The following PLCD4 variants were observed in gnomAD, a reference collection of about 807,000 sequenced individuals.
The protein encoded by PLCD4 is phospholipase C delta 4.
A neutral mutation model predicts 90.2 loss-of-function variants in PLCD4; 63 were observed. That is an observed-to-expected ratio of 0.70 (90% confidence interval 0.57 to 0.86). The LOEUF is 0.86. PLCD4 is among the 40% of genes least tolerant of loss of function. PLCD4 has a pLI of 0.00. For synonymous variants in PLCD4, 294 were observed against 356.5 expected, an observed-to-expected ratio of 0.82 and a Z score of 1.97; for missense variants, 830 against 956.3, an observed-to-expected ratio of 0.87 and a Z score of 1.74.
intron 13 of PLCD4, 81 bp from the exon 14 acceptor site, chr2:218,635,715 C>T (rs1208288111): frequency 6.7e-7 from 1 of 1,500,230 alleles, no homozygotes; most frequent in Non-Finnish European, 8.9e-7. Context: ...CAAAAAGCTT[C>T]TTCTCCCCTG....
intron 1 of PLCD4, among the ~76,000 whole-genome samples, chr2:218,610,789 G>A (rs1311249519): frequency 2.0e-5 from 3 of 151,824 alleles, no homozygotes; most frequent in Admixed American, 6.6e-5. Flanking sequence ...GTGCAATGGC[G>A]CCATCTCGGC....
At chr2:218,635,731 G>T in intron 13 of PLCD4, 65 bp from the exon 14 acceptor site, 1 of 1,553,456 alleles carries the variant, frequency 6.4e-7, no homozygotes, top group South Asian at 1.2e-5. Flanking sequence ...CCCTGGGGTT[G>T]GGAGTAGGGT....
At chr2:218,618,996 G>T (rs1447959930) in intron 4 of PLCD4, 189 bp downstream of exon 4, 14 of 598,860 alleles carry the variant, frequency 2.3e-5, no homozygotes, top group Non-Finnish European at 3.5e-5. Flanking sequence ...GGATGCCAAG[G>T]ATCACATAGC....
chr2:218,625,321 A>T (rs962615526), intron 6 of PLCD4, among the ~76,000 whole-genome samples: 2 of 151,976 alleles, frequency 1.3e-5, no homozygotes, highest in African/African-American at 4.8e-5. Flanking sequence ...AAAGAAAGAA[A>T]AAAGAAATAG....
At chr2:218,633,186 A>G in intron 10 of PLCD4, 1 of 580,018 alleles carries the variant, frequency 1.7e-6, no homozygotes, top group South Asian at 2.3e-5. Flanking sequence ...ATCTGTCTGG[A>G]TTCATGTACA....
chr2:218,608,905 G>A (rs1231524095), intron 1 of PLCD4, among the ~76,000 whole-genome samples: 1 of 151,992 alleles, frequency 6.6e-6, no homozygotes, highest in Admixed American at 6.6e-5. Context: ...TTGGGAGGCC[G>A]AGGCGGGTGG....
intron 1 of PLCD4, among the ~76,000 whole-genome samples, chr2:218,610,908 AG>A (rs1695304866): frequency 6.6e-6 from 1 of 152,012 alleles, no homozygotes. Flanking sequence ...TTGTATTTTT[AG>A]TAGAGAAGGG....
chr2:218,610,984 C>T (rs1023566885), intron 1 of PLCD4, among the ~76,000 whole-genome samples: 20 of 152,050 alleles, frequency 1.3e-4, no homozygotes, highest in Non-Finnish European at 2.5e-4. Context: ...CATCTCAGCC[C>T]CCCAAAGTGC....
intron 2 of PLCD4, 67 bp downstream of exon 2, chr2:218,615,828 G>T (rs1048619504): frequency 6.2e-7 from 1 of 1,602,794 alleles, no homozygotes; most frequent in Non-Finnish European, 8.5e-7. Flanking sequence ...AAGGAGGTTG[G>T]ACCCCTGTTC....
At position 218,634,143 on chromosome 2, in the gene PLCD4, C is replaced by T. The variant is rs529917751; in HGVS notation, c.1645C>T (p.Arg549Cys). The T allele has an allele frequency of 2.6e-5, 42 of 1,612,594 alleles. No individual in the cohort carries two copies. Among genetic ancestry groups the T allele is most frequent in the African/African-American group, 8.0e-5 (6 of 75,008 alleles). ...FVQHNTWQLS[R>C]VYPSGLRTDS... ...GCAGCACAATACTTGGCAGTTAAGC[C>T]GTGTGTATCCCAGCGGCCTGAGGAC... is the stretch of plus-strand genomic sequence containing the variant. The change falls in exon 12 of 16, where the codon CGT (arginine) becomes TGT (cysteine). Residue 549 changes from arginine to cysteine, a missense_variant. Coordinates refer to ENST00000450993, the MANE Select transcript of PLCD4 (RefSeq NM_032726.4). The surrounding 1 kb of genome is among the most constrained non-coding windows in gnomAD (Gnocchi z 4.0).
chr2:218,615,646 A>G, intron 1 of PLCD4, 61 bp from the exon 2 acceptor site: 1 of 1,423,014 alleles, frequency 7.0e-7, no homozygotes, highest in Non-Finnish European at 9.5e-7. Flanking sequence ...AGAAGCAAAA[A>G]TCAGCTACAG....
intron 9 of PLCD4, among the ~76,000 whole-genome samples, chr2:218,631,365 T>C (rs1033116494): frequency 1.3e-5 from 2 of 152,140 alleles, no homozygotes; most frequent in African/African-American, 2.4e-5. Context: ...GATTTCACTA[T>C]GTTAGCCAGG....
intron 8 of PLCD4, 96 bp from the exon 9 acceptor site, chr2:218,630,554 G>T: frequency 7.2e-7 from 1 of 1,382,006 alleles, no homozygotes. Context: ...ACTCATCTGA[G>T]TGAGTAAGTA....
At chr2:218,633,286 C>T in intron 10 of PLCD4, 1 of 649,792 alleles carries the variant, frequency 1.5e-6, no homozygotes, top group Non-Finnish European at 2.8e-6. Flanking sequence ...AATTTAAAAC[C>T]TGTCACCCAG....
rs199581087 is a variant in PLCD4, at chr2:218,633,671, C to T, written c.1516C>T (p.Arg506Cys). The T allele has an allele frequency of 4.5e-5, 73 of 1,613,304 alleles. No individual in the cohort carries two copies. The East Asian group carries it at 5.1e-4, about 11-fold the overall frequency. ...LVIYLKSVSFRSFTHSKEHYH... is the reference protein window; with the variant it reads ...LVIYLKSVSFCSFTHSKEHYH... ...TATCTACTTGAAGTCTGTCTCATTC[C>T]GCAGCTTCACACATTCAAAGGAGCA... Residue 506 changes from arginine (R) to cysteine (C), a missense_variant, in exon 11 of 16, where the codon CGC becomes TGC. Coordinates refer to ENST00000450993, the MANE Select transcript of PLCD4 (RefSeq NM_032726.4).
rs1456633802 is a variant in PLCD4 at position 218,629,765 on chromosome 2, A to G, written c.1119+102A>G. ...GGTGGAGGAGTACAGGGGAAGTTCC[A>G]TCAAAAGAGGATTTAACTGTAAAGC... On this transcript the variant is annotated intron_variant, in intron 8 of 15. Transcript: ENST00000450993. 77 of 1,298,672 alleles carry G rather than the reference A, an allele frequency of 5.9e-5. No homozygotes were observed. The East Asian group carries it at 1.8e-3, about 30-fold the overall frequency. 80.4% of individuals were successfully genotyped at this position (1,298,672 alleles called of 1,614,324 possible).
chr2:218,612,941 G>A (rs1695409849), intron 1 of PLCD4, among the ~76,000 whole-genome samples: 1 of 152,108 alleles, frequency 6.6e-6, no homozygotes, highest in South Asian at 2.1e-4. Context: ...GAGGCAAGTC[G>A]CATCACATTT....
At chr2:218,629,385 T>C (rs1696255707) in intron 7 of PLCD4, 134 bp from the exon 8 acceptor site, 1 of 1,020,488 alleles carries the variant, frequency 9.8e-7, no homozygotes, top group Non-Finnish European at 1.4e-6. Flanking sequence ...GAAGGCTCTA[T>C]GCAGATGTAG....
chr2:218,630,873 T>C lies in PLCD4; in HGVS notation c.1272+71T>C. 2.1e-6 allele frequency: 3 copies of C among 1,459,752 alleles called. No individual in the cohort carries two copies. In the South Asian group the frequency reaches 4.2e-5, roughly 20 times the overall value. 90.4% of individuals were successfully genotyped at this position (1,459,752 alleles called of 1,614,324 possible). On this transcript the variant is annotated intron_variant, in intron 9 of 15. Transcript: ENST00000450993. ...ATTCCGCCACCTGGGCTCCTTCCTC[T>C]ATGCCCCTCTTTGTTCCCTTCTTTC... is the stretch of plus-strand genomic sequence containing the variant.
Sources: gnomAD v4.1 joint callset for allele counts (sites outside exome capture counted in the v4.1 genomes callset) on GRCh38, gnomAD v4.1.1 for gene constraint, Gnocchi (gnomAD v3.1) non-coding constraint, MANE v1.5 for transcripts, NCBI Gene and HGNC (gene_info 2026-07-23, HGNC 2026-07-21) for gene names.